Variants in PRKCH observed in about 807,000 individuals in gnomAD.
The protein encoded by PRKCH is protein kinase C eta type.
Under a neutral mutation model 82.5 loss-of-function variants are expected in PRKCH, and 28 were observed. The ratio of observed to expected loss-of-function variants is 0.34; its 90% CI spans 0.25 to 0.47. The LOEUF (loss-of-function observed/expected upper bound fraction) is 0.47. Ranked by LOEUF, PRKCH falls within the 20% of genes least tolerant of loss-of-function variation. The pLI is 1.00. For synonymous variants in PRKCH, 322 were observed against 327.4 expected (o/e 0.98, Z 0.18); for missense variants, 705 against 881.8 (o/e 0.80, Z 2.54).
chr14:61,212,003 C>G (rs2140046706), intron 1 of PRKCH, among the ~76,000 whole-genome samples: 2 of 152,212 alleles, frequency 1.3e-5, no homozygotes, highest in South Asian at 4.1e-4. Context: ...AGATTTTTTC[C>G]AAATCCCACT....
intron 1 of PRKCH, among the ~76,000 whole-genome samples, chr14:61,299,239 C>G (rs1166985425): frequency 1.3e-5 from 2 of 152,156 alleles, no homozygotes; most frequent in Non-Finnish European, 2.9e-5. Context: ...AAAGATTACA[C>G]TGAAGAAGGG....
At chr14:61,512,249 CTTT>C (rs11342820) in intron 10 of PRKCH, among the ~76,000 whole-genome samples, 27 of 118,510 alleles carry the variant, frequency 2.3e-4, no homozygotes, top group Admixed American at 3.4e-4. Context: ...TCACATGACC[CTTT>C]TTTTTTTTTT....
chr14:61,275,183 T>C (rs964099343), intron 1 of PRKCH, among the ~76,000 whole-genome samples: 1 of 152,248 alleles, frequency 6.6e-6, no homozygotes, highest in African/African-American at 2.4e-5. Context: ...ATGATTGTCA[T>C]TGCCTCATCC....
At chr14:61,357,352 A>G (rs1014691827) in intron 1 of PRKCH, among the ~76,000 whole-genome samples, 8 of 152,174 alleles carry the variant, frequency 5.3e-5, no homozygotes, top group African/African-American at 1.9e-4. Flanking sequence ...TCTTAGAATG[A>G]GCTCCTCCAT....
upstream of PRKCH, among the ~76,000 whole-genome samples, chr14:61,316,943 G>T (rs576116403): frequency 3.9e-5 from 6 of 152,292 alleles, no homozygotes; most frequent in East Asian, 7.7e-4. Flanking sequence ...GGTGATGAGA[G>T]GGGGAAGGAA....
intron 1 of PRKCH, among the ~76,000 whole-genome samples, chr14:61,256,271 G>T (rs768998690): frequency 1.3e-5 from 2 of 152,252 alleles, no homozygotes; most frequent in East Asian, 3.9e-4. Flanking sequence ...ACAAAAAGGT[G>T]GTCTATTTTT....
At chr14:61,538,133 C>T (rs756648187) in intron 12 of PRKCH, among the ~76,000 whole-genome samples, 15 of 152,210 alleles carry the variant, frequency 9.9e-5, no homozygotes, top group Non-Finnish European at 1.9e-4. Flanking sequence ...ACCCGAGTAA[C>T]GCAGAGGATC....
chr14:61,469,566 G>C (rs957637151), intron 9 of PRKCH, among the ~76,000 whole-genome samples: 5 of 152,226 alleles, frequency 3.3e-5, no homozygotes, highest in African/African-American at 1.2e-4. Context: ...CGGCTGCCAA[G>C]GGGCTGCCAC....
intron 1 of PRKCH, among the ~76,000 whole-genome samples, chr14:61,200,705 A>G (rs967259625): frequency 6.6e-6 from 1 of 152,144 alleles, no homozygotes; most frequent in African/African-American, 2.4e-5. Flanking sequence ...ATACAATAAG[A>G]TATTTTGAGA....
chr14:61,522,493 T>G (rs898293029), intron 10 of PRKCH, among the ~76,000 whole-genome samples: 10 of 152,206 alleles, frequency 6.6e-5, no homozygotes, highest in African/African-American at 2.2e-4. Context: ...CTTCATTTCT[T>G]GACTGAACCC....
chr14:61,449,683 A>G (rs552753566), intron 5 of PRKCH, among the ~76,000 whole-genome samples: 102 of 152,342 alleles, frequency 6.7e-4, no homozygotes, highest in African/African-American at 1.8e-3. Flanking sequence ...GGCAAGGCCT[A>G]CAATCTCTCT....
chr14:61,386,657 C>A (rs367859824), intron 1 of PRKCH, among the ~76,000 whole-genome samples: 1 of 152,046 alleles, frequency 6.6e-6, no homozygotes, highest in African/African-American at 2.4e-5. Flanking sequence ...AGATCAGATG[C>A]GGCAGAGAGA....
chr14:61,284,093 A>G (rs1353519125), intron 1 of PRKCH, among the ~76,000 whole-genome samples: 1 of 152,214 alleles, frequency 6.6e-6, no homozygotes. Flanking sequence ...ACGCTGATCC[A>G]CCAGCCAGAG....
chr14:61,545,542 T>G (rs755541640), intron 12 of PRKCH, among the ~76,000 whole-genome samples: 32 of 152,040 alleles, frequency 2.1e-4, no homozygotes, highest in Non-Finnish European at 4.6e-4. Flanking sequence ...CAAAGTTTGT[T>G]TGTGTGTGTG....
chr14:61,286,493 G>T (rs1248644373), intron 1 of PRKCH, among the ~76,000 whole-genome samples: 1 of 152,180 alleles, frequency 6.6e-6, no homozygotes, highest in Non-Finnish European at 1.5e-5. Context: ...CAAAACAGTG[G>T]TCAAAGAGAG....
At chr14:61,210,788 C>CTGTGTGTGTGTGTGTGTG (rs1210521677) in intron 1 of PRKCH, among the ~76,000 whole-genome samples, 13 of 131,646 alleles carry the variant, frequency 9.9e-5, no homozygotes, top group African/African-American at 3.8e-4. Context: ...CTCTCTCTCT[C>CTGTGTGTGTGTGTGTGTG]TCTGTGTGTG....
At chr14:61,372,691 C>G (rs896745119) in intron 1 of PRKCH, among the ~76,000 whole-genome samples, 2 of 152,060 alleles carry the variant, frequency 1.3e-5, no homozygotes, top group African/African-American at 4.8e-5. Context: ...TTTTCCCTCA[C>G]TTCTTTCAGT....
At chr14:61,338,920 G>T (rs1225437522) in intron 1 of PRKCH, among the ~76,000 whole-genome samples, 2 of 152,116 alleles carry the variant, frequency 1.3e-5, no homozygotes, top group African/African-American at 4.8e-5. Context: ...AATTGTGCCT[G>T]TCAAGATATT....
At chr14:61,404,614 A>G (rs965431884) in intron 2 of PRKCH, among the ~76,000 whole-genome samples, 6 of 152,206 alleles carry the variant, frequency 3.9e-5, no homozygotes, top group Admixed American at 6.5e-5. Context: ...GACATAAACA[A>G]TTAGAAAGGT....
Sources: gnomAD v4.1 joint callset for allele counts (sites outside exome capture counted in the v4.1 genomes callset) on GRCh38, gnomAD v4.1.1 for gene constraint, MANE v1.5 for transcripts, NCBI Gene and HGNC (gene_info 2026-07-23, HGNC 2026-07-21) for gene names.